The following NTM variants were observed in gnomAD, a reference collection of about 807,000 sequenced individuals.
NTM encodes the protein neurotrimin.
In NTM, 13 loss-of-function variants were observed where a neutral mutation model predicts 42.1. The observed-to-expected ratio is 0.31, with a 90% CI of 0.20 to 0.49. NTM has a LOEUF of 0.49. Ranked by LOEUF, NTM falls within the 20% of genes least tolerant of loss-of-function variation. NTM has a pLI of 0.99. For missense variants in NTM, 373 were observed against 452.8 expected, an observed-to-expected ratio of 0.82 and a Z score of 1.60; for synonymous variants, 187 against 179.2, an observed-to-expected ratio of 1.04 and a Z score of -0.35.
intron 1 of NTM, among the ~76,000 whole-genome samples, chr11:131,384,757 G>A (rs903605742): frequency 1.4e-4 from 21 of 152,318 alleles, no homozygotes; most frequent in African/African-American, 5.1e-4. Flanking sequence ...TCTTTAAAGT[G>A]AGGAAGGAGA....
chr11:132,201,000 T>C (rs2138457191), intron 3 of NTM, among the ~76,000 whole-genome samples: 1 of 152,240 alleles, frequency 6.6e-6, no homozygotes, highest in South Asian at 2.1e-4. Flanking sequence ...GCAAAATGTT[T>C]TTTCTCTCTG....
chr11:131,627,497 C>T (rs1009585804), intron 1 of NTM, among the ~76,000 whole-genome samples: 3 of 151,990 alleles, frequency 2.0e-5, no homozygotes, highest in Non-Finnish European at 2.9e-5. Context: ...TAGATTATAC[C>T]ATCTCTAAGA....
At chr11:132,081,632 C>T (rs11222908) in intron 2 of NTM, among the ~76,000 whole-genome samples, 44,947 of 150,916 alleles carry the variant, frequency 0.3, 7,394 homozygotes, top group African/African-American at 0.44. Context: ...CTTGGGAGGC[C>T]GAGGCAGGAG....
chr11:131,862,899 T>G (rs1028487214), intron 1 of NTM, among the ~76,000 whole-genome samples: 1 of 152,204 alleles, frequency 6.6e-6, no homozygotes, highest in African/African-American at 2.4e-5. Flanking sequence ...GCCTCACAGA[T>G]GTTCCTATAG....
intron 1 of NTM, among the ~76,000 whole-genome samples, chr11:131,500,373 A>G (rs2046586480): frequency 6.6e-6 from 1 of 151,952 alleles, no homozygotes; most frequent in Middle Eastern, 3.4e-3. Context: ...ATTCTTCTCA[A>G]TGAACCCTGT....
At chr11:131,574,128 C>A (rs376471829) in intron 1 of NTM, among the ~76,000 whole-genome samples, 13 of 152,154 alleles carry the variant, frequency 8.5e-5, no homozygotes, top group East Asian at 5.8e-4. Flanking sequence ...TGATGGACAG[C>A]AGCTCTAACG....
intron 1 of NTM, among the ~76,000 whole-genome samples, chr11:131,877,257 C>T (rs1191305995): frequency 1.3e-5 from 2 of 152,230 alleles, no homozygotes; most frequent in African/African-American, 2.4e-5. Flanking sequence ...TCATCTCCTC[C>T]CTCCTGTTAA....
At chr11:131,895,439 G>C (rs542056812) in intron 1 of NTM, among the ~76,000 whole-genome samples, 194 of 152,226 alleles carry the variant, frequency 1.3e-3, no homozygotes, top group African/African-American at 4.3e-3. Flanking sequence ...CAATCACTGA[G>C]AGGTCATTTT....
intron 1 of NTM, among the ~76,000 whole-genome samples, chr11:131,490,675 T>G (rs1954685041): frequency 6.6e-6 from 1 of 152,218 alleles, no homozygotes. Context: ...GAAGAGGCAC[T>G]AAGAAGATAG....
chr11:131,847,350 T>C (rs2045032681), intron 1 of NTM, among the ~76,000 whole-genome samples: 1 of 152,074 alleles, frequency 6.6e-6, no homozygotes, highest in Admixed American at 6.6e-5. Flanking sequence ...CTAATAAGAA[T>C]ACCTGTAATT....
intron 2 of NTM, among the ~76,000 whole-genome samples, chr11:132,035,488 C>T (rs369100239): frequency 9.1e-4 from 139 of 152,242 alleles, no homozygotes; most frequent in Admixed American, 2.5e-3. Flanking sequence ...GCATAATGGT[C>T]CCAGAGATAA....
rs138962350 is a variant in NTM, at chr11:131,533,299, G to A, written c.82+162411G>A. On this transcript the variant is annotated intron_variant, in intron 1 of 8. Transcript: ENST00000683400. ...GAAACACATTATCCTTGTCTGATTCGCTCACACCCACATGTTCCTAGTAAG... is the reference window on the plus strand; with the variant it reads ...GAAACACATTATCCTTGTCTGATTCACTCACACCCACATGTTCCTAGTAAG... 4.6e-5 allele frequency among the ~76,000 whole-genome samples: 7 copies of A among 152,222 alleles called. No homozygotes were observed. In the East Asian group the frequency reaches 5.8e-4, roughly 13 times the overall value.
intron 1 of NTM, among the ~76,000 whole-genome samples, chr11:131,569,061 A>T (rs1193357202): frequency 1.3e-5 from 2 of 152,144 alleles, no homozygotes; most frequent in Non-Finnish European, 2.9e-5. Flanking sequence ...TTCCTTAGGC[A>T]TCTACTCCTG....
chr11:131,557,302 T>C (rs1014483565), intron 1 of NTM, among the ~76,000 whole-genome samples: 17 of 152,094 alleles, frequency 1.1e-4, no homozygotes, highest in Admixed American at 1.1e-3. Context: ...AAACAGAACA[T>C]GATTCAGAAA....
In NTM at chr11:131,739,819, C is replaced by T. The variant is rs76831537; in HGVS notation, c.83-171745C>T. On this transcript the variant is annotated intron_variant, in intron 1 of 8. Transcript: ENST00000683400. ...GCAGCCTGAAGTGCTGCGTTCTCTT[C>T]GCTCTTCAAATGCAGACAGGTCTAT... Among the ~76,000 whole-genome samples, 188 of 152,280 alleles carry T rather than the reference C, an allele frequency of 1.2e-3. 1 individual carries two copies. The highest frequency in any genetic ancestry group is 4.4e-3 in the African/African-American group (181 of 41,556).
intron 3 of NTM, among the ~76,000 whole-genome samples, chr11:132,198,269 A>G (rs1244133174): frequency 6.6e-6 from 1 of 152,198 alleles, no homozygotes; most frequent in Non-Finnish European, 1.5e-5. Context: ...GCAGTGGTGC[A>G]GTCTTGGCTC....
chr11:131,881,646 G>A (rs2049542876), intron 1 of NTM, among the ~76,000 whole-genome samples: 1 of 152,178 alleles, frequency 6.6e-6, no homozygotes, highest in Non-Finnish European at 1.5e-5. Flanking sequence ...GAAAAATGCA[G>A]TAAGGGCATT....
chr11:132,152,081 G>A (rs916954075), intron 3 of NTM, among the ~76,000 whole-genome samples: 1 of 152,130 alleles, frequency 6.6e-6, no homozygotes, highest in Non-Finnish European at 1.5e-5. Flanking sequence ...TTTCTAGGTA[G>A]CTACACCCTA....
At chr11:131,633,105 T>C (rs2063830438) in intron 1 of NTM, among the ~76,000 whole-genome samples, 1 of 152,196 alleles carries the variant, frequency 6.6e-6, no homozygotes, top group Non-Finnish European at 1.5e-5. Context: ...GGGGGACACA[T>C]CAGCTGAGCC....
Sources: gnomAD v4.1 joint callset for allele counts (sites outside exome capture counted in the v4.1 genomes callset) on GRCh38, gnomAD v4.1.1 for gene constraint, MANE v1.5 for transcripts, NCBI Gene and HGNC (gene_info 2026-07-23, HGNC 2026-07-21) for gene names.